Variants in DNTT observed in about 807,000 individuals in gnomAD.
The protein encoded by DNTT is nucleosidetriphosphate:DNA deoxynucleotidylexotransferase.
In DNTT, 47 loss-of-function variants were observed where a neutral mutation model predicts 60.9. The observed-to-expected ratio is 0.77, with a 90% CI of 0.61 to 0.98. The LOEUF (loss-of-function observed/expected upper bound fraction) is 0.98, where lower values mean the gene tolerates loss of function less well. DNTT is among the 50% of genes least tolerant of loss of function. The pLI is 0.00. For synonymous variants in DNTT, 224 were observed against 221.2 expected, an observed-to-expected ratio of 1.01 and a Z score of -0.11; for missense variants, 665 against 627.5, an observed-to-expected ratio of 1.06 and a Z score of -0.64.
At chr10:96,311,368 G>A (rs1376913973) in intron 1 of DNTT, among the ~76,000 whole-genome samples, 1 of 152,184 alleles carries the variant, frequency 6.6e-6, no homozygotes, top group Non-Finnish European at 1.5e-5. Context: ...GACAGAGGGT[G>A]GGAAGGAGTC....
At chr10:96,328,140 A>G (rs1396980625) in intron 7 of DNTT, among the ~76,000 whole-genome samples, 1 of 152,234 alleles carries the variant, frequency 6.6e-6, no homozygotes, top group Non-Finnish European at 1.5e-5. Context: ...GACTGAATGA[A>G]TTCATGAATG....
intron 7 of DNTT, 81 bp from the exon 8 acceptor site, chr10:96,328,644 G>C: frequency 7.2e-7 from 1 of 1,380,472 alleles, no homozygotes; most frequent in Non-Finnish European, 1.0e-6. Flanking sequence ...TTAAGCATAG[G>C]GCATAGAAAC....
In DNTT at chr10:96,307,758, C is replaced by CATAT. The variant is rs201864849; in HGVS notation, c.203+3075_203+3078dup. On this transcript the variant is annotated intron_variant, in intron 1 of 10. Transcript: ENST00000371174. ...AAGCATATATATGTGTGTGTGTGTG[C>CATAT]ATATATATATATATATATATTTTTT... is the stretch of plus-strand genomic sequence containing the variant. Among the ~76,000 whole-genome samples, 624 of 82,178 alleles carry CATAT rather than the reference C, an allele frequency of 7.6e-3. 10 individuals are homozygous for CATAT. The highest frequency in any genetic ancestry group is 0.03 in the African/African-American group (600 of 20,156). The allele number at this position is 82,178 out of a possible 152,430, so 53.9% of individuals were successfully genotyped here. A position where few individuals can be genotyped will look rare whatever the true frequency, so the allele number is the denominator to read the frequency against.
At chr10:96,319,141 A>C in intron 2 of DNTT, 121 bp from the exon 3 acceptor site, 1 of 1,124,152 alleles carries the variant, frequency 8.9e-7, no homozygotes, top group South Asian at 1.9e-5. Context: ...ATATAACATA[A>C]ATTTTGAGTC....
intron 9 of DNTT, among the ~76,000 whole-genome samples, chr10:96,332,912 G>A (rs4917733): frequency 0.97 from 148,238 of 152,310 alleles, 72,282 homozygotes; most frequent in Middle Eastern, 1. Context: ...ATTTCAGCCC[G>A]GAAATTTGTT....
intron 6 of DNTT, among the ~76,000 whole-genome samples, chr10:96,325,685 T>C (rs1844931903): frequency 6.6e-6 from 1 of 152,242 alleles, no homozygotes. Flanking sequence ...ACCAGTTCTA[T>C]GCAGAAATCA....
intron 8 of DNTT, among the ~76,000 whole-genome samples, chr10:96,329,764 G>A (rs1423967286): frequency 3.3e-5 from 5 of 152,158 alleles, no homozygotes; most frequent in Non-Finnish European, 5.9e-5. Flanking sequence ...AATTAGAAGC[G>A]AAGGGCAGGG....
chr10:96,304,565 T>A lies in DNTT; in HGVS notation c.68T>A (p.Met23Lys), dbSNP rs745643208. 1.2e-6 allele frequency: 2 copies of A among 1,614,134 alleles called. No homozygotes were observed. Among genetic ancestry groups the A allele is most frequent in the Admixed American group, 1.7e-5 (1 of 60,022 alleles). ...AGACCCCGGCAGACGGGTGCCTTGA[T>A]GGCCTCCTCTCCTCAAGACATCAAA... Reference protein sequence around the residue: ...KKRPRQTGALMASSPQDIKFQ... With the variant: ...KKRPRQTGALKASSPQDIKFQ... The change falls in exon 1 of 11, where the codon ATG becomes AAG. Residue 23 changes from methionine to lysine, a missense_variant. Physicochemically the swap from Met to Lys is moderately conservative, Grantham distance 95 (BLOSUM62 -1). Coordinates refer to ENST00000371174, the MANE Select transcript of DNTT (RefSeq NM_004088.4).
chr10:96,324,485 C>A lies in DNTT; in HGVS notation c.874+96C>A, dbSNP rs560279020. 58 of 1,532,832 alleles carry A rather than the reference C, an allele frequency of 3.8e-5. 2 individuals are homozygous for A. The South Asian group carries it at 7.0e-4, about 18-fold the overall frequency. 95.0% of individuals were successfully genotyped at this position (1,532,832 alleles called of 1,614,324 possible). Reference sequence around the variant, plus strand: ...ACACTGCAACTCCAATCTGGGAGAGCTGGGACACTTCTTTGATGTCCATTG... The same window carrying A: ...ACACTGCAACTCCAATCTGGGAGAGATGGGACACTTCTTTGATGTCCATTG... On this transcript the variant is annotated intron_variant, in intron 6 of 10. Transcript: ENST00000371174.
At chr10:96,312,589 C>T (rs1407238364) in intron 1 of DNTT, among the ~76,000 whole-genome samples, 1 of 152,230 alleles carries the variant, frequency 6.6e-6, no homozygotes, top group Admixed American at 6.5e-5. Flanking sequence ...GCAGAGAGAT[C>T]ACCCAGCCAA....
At chr10:96,323,841 T>C (rs1159829842) in intron 5 of DNTT, among the ~76,000 whole-genome samples, 1 of 152,182 alleles carries the variant, frequency 6.6e-6, no homozygotes, top group Non-Finnish European at 1.5e-5. Flanking sequence ...TTCCCACCTG[T>C]ATGATGGTGG....
chr10:96,319,967 C>G (rs1410946752), intron 3 of DNTT, among the ~76,000 whole-genome samples: 2 of 152,204 alleles, frequency 1.3e-5, no homozygotes, highest in Non-Finnish European at 2.9e-5. Context: ...TGCTTGTCTG[C>G]TAGCCTAGAG....
In DNTT at chr10:96,314,401, CCTTTTTTT is replaced by C. The variant is rs1237667406; in HGVS notation, c.204-3950_204-3943del. ...TTAACATTTCCAAGGCTATCTCTTC[CCTTTTTTT>C]TTTTTTTTTTTTTTTTTTTTTGAGA... On this transcript the variant is annotated intron_variant, in intron 1 of 10. Transcript: ENST00000371174. Among the ~76,000 whole-genome samples, 11 of 39,848 alleles carry C rather than the reference CCTTTTTTT, an allele frequency of 2.8e-4. No homozygotes were observed. In the East Asian group the frequency reaches 4.2e-3, roughly 15 times the overall value. The allele number at this position is 39,848 out of a possible 152,430, so 26.1% of individuals were successfully genotyped here. A position where few individuals can be genotyped will look rare whatever the true frequency, so the allele number is the denominator to read the frequency against.
intron 1 of DNTT, chr10:96,306,618 G>A (rs989415126): frequency 6.6e-6 from 1 of 152,276 alleles, no homozygotes; most frequent in African/African-American, 2.4e-5. Flanking sequence ...TCAGGGAGAT[G>A]ATGGGAGGTA....
rs543905215 is a variant in DNTT, at chr10:96,314,558, G to A, written c.204-3794G>A. ...CTCCCGAGTAGCTGGGACTACAGGC[G>A]CGTTCCACCACGCCCAGCTAATTTT... On this transcript the variant is annotated intron_variant, in intron 1 of 10. Transcript: ENST00000371174. Among the ~76,000 whole-genome samples, 25 of 150,334 alleles carry A rather than the reference G, an allele frequency of 1.7e-4. 1 individual carries two copies. The highest frequency in any genetic ancestry group is 3.2e-3 in the Middle Eastern group (1 of 316).
chr10:96,304,566 GGCC>G lies in DNTT; in HGVS notation c.70_72del (p.Ala24del). The stretch of plus-strand genomic sequence containing the variant: ...GACCCCGGCAGACGGGTGCCTTGAT[GGCC>G]TCCTCTCCTCAAGACATCAAATTTC... On this transcript the variant is annotated inframe_deletion, in exon 1 of 11. Coordinates refer to ENST00000371174, the MANE Select transcript of DNTT (RefSeq NM_004088.4). 6.2e-6 allele frequency: 10 copies of G among 1,614,116 alleles called. No homozygotes were observed. The highest frequency in any genetic ancestry group is 8.5e-6 in the Non-Finnish European group (10 of 1,179,996).
Position 96,328,370 on chromosome 10 carries a change from C to A in DNTT, c.1008-355C>A, listed in dbSNP as rs182860880. On this transcript the variant is annotated intron_variant, in intron 7 of 10. Coordinates refer to ENST00000371174, the MANE Select transcript of DNTT (RefSeq NM_004088.4). ...ACTCCATGTCATAATTCCAAGAGCG[C>A]TACCTTGTATTATGTGAATACAATT... 2.2e-3 allele frequency among the ~76,000 whole-genome samples: 341 copies of A among 152,286 alleles called. 1 individual carries two copies. The highest frequency in any genetic ancestry group is 3.5e-3 in the Non-Finnish European group (241 of 68,024).
Position 96,319,208 on chromosome 10 carries a change from A to G in DNTT, c.379-54A>G, listed in dbSNP as rs983673750. Reference sequence around the variant, plus strand: ...CTACTTCCAAATTTTTTCCGTACATATCTGTTATTACTATTAATTTTTATT... The same window carrying G: ...CTACTTCCAAATTTTTTCCGTACATGTCTGTTATTACTATTAATTTTTATT... On this transcript the variant is annotated intron_variant, in intron 2 of 10. Transcript: ENST00000371174. 4 of 1,586,544 alleles carry G rather than the reference A, an allele frequency of 2.5e-6. No homozygotes were observed. In the African/African-American group the frequency reaches 5.4e-5, roughly 21 times the overall value.
At chr10:96,333,778 T>C (rs1272583274) in intron 9 of DNTT, among the ~76,000 whole-genome samples, 1 of 152,142 alleles carries the variant, frequency 6.6e-6, no homozygotes, top group South Asian at 2.1e-4. Flanking sequence ...GTCAAACTCG[T>C]AGAAGTACAG....
Sources: allele counts gnomAD v4.1 joint callset (sites outside exome capture counted in the v4.1 genomes callset), GRCh38; gene constraint gnomAD v4.1.1; transcripts MANE v1.5; gene names NCBI Gene and HGNC (gene_info 2026-07-23, HGNC 2026-07-21).